PDLIM5: variants seen among roughly 807,000 people sequenced by gnomAD.
PDLIM5 encodes PDZ and LIM domain 5.
A neutral mutation model predicts 64.2 loss-of-function variants in PDLIM5; 34 were observed. The observed-to-expected ratio is 0.53, with a 90% confidence interval of 0.40 to 0.71. The LOEUF (loss-of-function observed/expected upper bound fraction) is 0.71, where lower values mean the gene tolerates loss of function less well. PDLIM5 is among the 30% of genes least tolerant of loss of function. The pLI, the probability that PDLIM5 is intolerant of heterozygous loss-of-function variation, is 0.00. For missense variants in PDLIM5, 683 were observed against 733.6 expected (o/e 0.93, Z 0.80); for synonymous variants, 253 against 269.1 (o/e 0.94, Z 0.59).
intron 3 of PDLIM5, among the ~76,000 whole-genome samples, chr4:94,541,742 G>A (rs1329325934): frequency 6.6e-6 from 1 of 152,174 alleles, no homozygotes; most frequent in African/African-American, 2.4e-5. Flanking sequence ...CAGCTGGAGG[G>A]GGCTGATGGA....
At chr4:94,586,231 G>C (rs746387514) in intron 6 of PDLIM5, among the ~76,000 whole-genome samples, 177 bp from the exon 7 acceptor site, 1 of 152,200 alleles carries the variant, frequency 6.6e-6, no homozygotes, top group South Asian at 2.1e-4. Context: ...GAAAAGTATA[G>C]ATGTAATAGT....
At chr4:94,615,807 T>C (rs34473450) in intron 7 of PDLIM5, among the ~76,000 whole-genome samples, 1,571 of 152,296 alleles carry the variant, frequency 0.01, 15 homozygotes, top group Non-Finnish European at 0.014. Context: ...TCACCTTTTA[T>C]TGAAGCAAAT....
chr4:94,569,399 A>G (rs1578394510), intron 3 of PDLIM5, among the ~76,000 whole-genome samples: 1 of 152,210 alleles, frequency 6.6e-6, no homozygotes, highest in Middle Eastern at 3.4e-3. Context: ...GGCTCACTGC[A>G]ACCTCTGCCT....
intron 2 of PDLIM5, among the ~76,000 whole-genome samples, chr4:94,463,812 A>G (rs570378719): frequency 7.9e-5 from 12 of 152,198 alleles, no homozygotes; most frequent in Non-Finnish European, 1.3e-4. Flanking sequence ...GGTGTTCACT[A>G]TGGTCCGAGG....
intron 5 of PDLIM5, chr4:94,579,647 T>C: frequency 2.1e-6 from 1 of 480,402 alleles, no homozygotes; most frequent in Non-Finnish European, 3.8e-6. Context: ...GAGCTGTAAT[T>C]TAGAATAACC....
chr4:94,523,924 T>A, intron 3 of PDLIM5, 49 bp downstream of exon 3: 1 of 1,370,988 alleles, frequency 7.3e-7, no homozygotes, highest in South Asian at 1.2e-5. Context: ...CATTGAGGAA[T>A]GTGTTTTTGT....
chr4:94,459,933 G>C (rs1332950111), intron 2 of PDLIM5, among the ~76,000 whole-genome samples: 1 of 152,180 alleles, frequency 6.6e-6, no homozygotes, highest in African/African-American at 2.4e-5. Context: ...AGACCTGCCA[G>C]CTGCAGTTTC....
intron 2 of PDLIM5, among the ~76,000 whole-genome samples, chr4:94,481,868 G>A (rs772650317): frequency 6.6e-6 from 1 of 152,004 alleles, no homozygotes; most frequent in South Asian, 2.1e-4. Context: ...CTTGGCCTCC[G>A]AAAGTGCTTG....
chr4:94,529,999 TTAAAC>T (rs2110152599), intron 3 of PDLIM5, among the ~76,000 whole-genome samples: 1 of 152,342 alleles, frequency 6.6e-6, no homozygotes, highest in South Asian at 2.1e-4. Context: ...CGATGTCTAA[TTAAAC>T]TATTAACTGT....
At chr4:94,587,478 A>G in intron 7 of PDLIM5, 1 of 912,616 alleles carries the variant, frequency 1.1e-6, no homozygotes, top group Non-Finnish European at 1.3e-6. Flanking sequence ...TCTTTATATT[A>G]TTAACATCTC....
At chr4:94,500,748 T>C (rs1171526299) in intron 2 of PDLIM5, among the ~76,000 whole-genome samples, 1 of 151,122 alleles carries the variant, frequency 6.6e-6, no homozygotes, top group Admixed American at 6.6e-5. Flanking sequence ...TTTTCTAAAT[T>C]TATTTCTTTC....
chr4:94,484,615 C>T (rs370922590), intron 2 of PDLIM5, among the ~76,000 whole-genome samples: 1 of 151,972 alleles, frequency 6.6e-6, no homozygotes, highest in South Asian at 2.1e-4. Flanking sequence ...TGAGGGAAGC[C>T]CAGAGAAATC....
At chr4:94,568,715 T>C (rs1449265075) in intron 3 of PDLIM5, among the ~76,000 whole-genome samples, 3 of 152,150 alleles carry the variant, frequency 2.0e-5, no homozygotes, top group Admixed American at 1.3e-4. Flanking sequence ...TGGAATCAAA[T>C]AGAATATTGT....
At chr4:94,520,011 C>G (rs2438144) in intron 2 of PDLIM5, among the ~76,000 whole-genome samples, 32,375 of 151,966 alleles carry the variant, frequency 0.21, 3,696 homozygotes, top group East Asian at 0.28. Context: ...TAGATCCTTT[C>G]GTACTGAAGT....
chr4:94,473,172 G>A (rs141191936), intron 2 of PDLIM5, among the ~76,000 whole-genome samples: 2,189 of 152,338 alleles, frequency 0.014, 33 homozygotes, highest in Non-Finnish European at 0.02. Flanking sequence ...CTTGAGGTGA[G>A]CATTTGCTTG....
At chr4:94,570,540 A>G (rs768174644) in intron 3 of PDLIM5, among the ~76,000 whole-genome samples, 1 of 152,232 alleles carries the variant, frequency 6.6e-6, no homozygotes, top group Non-Finnish European at 1.5e-5. Flanking sequence ...CATAATCTCA[A>G]ACCATTTAGA....
chr4:94,643,213 A>AT (rs1741143111), intron 9 of PDLIM5, among the ~76,000 whole-genome samples: 1 of 152,078 alleles, frequency 6.6e-6, no homozygotes, highest in South Asian at 2.1e-4. Flanking sequence ...TTTTTGGTTT[A>AT]TTTGAATTGT....
At chr4:94,616,545 A>G in intron 7 of PDLIM5, among the ~76,000 whole-genome samples, 1 of 152,336 alleles carries the variant, frequency 6.6e-6, no homozygotes, top group South Asian at 2.1e-4. Flanking sequence ...TGTAATTTCA[A>G]ACCCTGATTC....
At chr4:94,574,275 A>C (rs1189810694) in intron 4 of PDLIM5, among the ~76,000 whole-genome samples, 1 of 152,152 alleles carries the variant, frequency 6.6e-6, no homozygotes, top group Non-Finnish European at 1.5e-5. Context: ...AGGCAGGCGG[A>C]TCACCTGAGG....
Sources: gnomAD v4.1 joint callset for allele counts (sites outside exome capture counted in the v4.1 genomes callset) on GRCh38, gnomAD v4.1.1 for gene constraint, MANE v1.5 for transcripts, NCBI Gene and HGNC (gene_info 2026-07-23, HGNC 2026-07-21) for gene names.